Variants in SNTG1 observed in about 807,000 individuals in gnomAD.
SNTG1 encodes gamma-1-syntrophin.
In SNTG1, 39 loss-of-function variants were observed where a neutral mutation model predicts 74.7. That is an observed-to-expected ratio of 0.52 (90% CI 0.40 to 0.68). The LOEUF is 0.68. Ranked by LOEUF, SNTG1 falls within the 30% of genes least tolerant of loss-of-function variation. The probability of loss-of-function intolerance (pLI) is 0.00; values close to 1 mark genes in which losing one functional copy is unlikely to be tolerated. For missense variants in SNTG1, 685 were observed against 609.5 expected (o/e 1.12, Z -1.30); for synonymous variants, 254 against 217.1 (o/e 1.17, Z -1.49).
At chr8:50,177,358 G>A (rs2083037134) in intron 2 of SNTG1, among the ~76,000 whole-genome samples, 1 of 152,230 alleles carries the variant, frequency 6.6e-6, no homozygotes, top group Admixed American at 6.5e-5. Flanking sequence ...ATTACTCCTA[G>A]TGATGGCTCT....
At chr8:50,634,340 T>C (rs1158996933) in intron 13 of SNTG1, among the ~76,000 whole-genome samples, 1 of 152,218 alleles carries the variant, frequency 6.6e-6, no homozygotes, top group Non-Finnish European at 1.5e-5. Flanking sequence ...CTGGTCAAAT[T>C]GTCTGGGTCA....
chr8:50,378,191 T>A (rs1018134339), intron 2 of SNTG1, among the ~76,000 whole-genome samples: 2 of 152,188 alleles, frequency 1.3e-5, no homozygotes, highest in Non-Finnish European at 2.9e-5. Flanking sequence ...GGAGGGTGGC[T>A]CCAGGTGCTG....
intron 18 of SNTG1, among the ~76,000 whole-genome samples, chr8:50,792,054 C>T (rs2095692276): frequency 6.7e-6 from 1 of 150,318 alleles, no homozygotes; most frequent in Admixed American, 6.7e-5. Flanking sequence ...TCTAAAAATC[C>T]AAAATGAATT....
rs189470732 is a variant in SNTG1, at chr8:50,643,690, G to T, written c.850-13219G>T. Among the ~76,000 whole-genome samples, 79 of 152,272 alleles carry T rather than the reference G, an allele frequency of 5.2e-4. 2 individuals carry two copies. In the East Asian group the frequency reaches 0.011, roughly 22 times the overall value. ...TACAGAAATATTAACACAGGAAAAG[G>T]CTTGCAGAAACCGGACAAAAATAAA... is the stretch of plus-strand genomic sequence containing the variant. On this transcript the variant is annotated intron_variant, in intron 13 of 18. Coordinates refer to ENST00000642720, the MANE Select transcript of SNTG1 (RefSeq NM_018967.5).
intron 10 of SNTG1, among the ~76,000 whole-genome samples, chr8:50,535,262 T>G (rs1037079681): frequency 8.5e-5 from 13 of 152,116 alleles, no homozygotes; most frequent in Non-Finnish European, 1.6e-4. Flanking sequence ...GACTACTCAG[T>G]TGGGAAACTG....
intron 8 of SNTG1, among the ~76,000 whole-genome samples, chr8:50,489,689 G>C (rs2093832869): frequency 6.6e-6 from 1 of 152,082 alleles, no homozygotes; most frequent in Admixed American, 6.6e-5. Flanking sequence ...TTGCCATATG[G>C]ATAGATTGCA....
chr8:50,014,993 G>C (rs1816175893), intron 1 of SNTG1, among the ~76,000 whole-genome samples: 1 of 148,232 alleles, frequency 6.7e-6, no homozygotes, highest in African/African-American at 2.5e-5. Flanking sequence ...CAAAGAAGTA[G>C]AAAAGTATAC....
At chr8:50,263,736 T>C (rs943073177) in intron 2 of SNTG1, among the ~76,000 whole-genome samples, 1 of 152,160 alleles carries the variant, frequency 6.6e-6, no homozygotes, top group African/African-American at 2.4e-5. Flanking sequence ...AATGAAGAAC[T>C]AGACAATTTC....
intron 1 of SNTG1, among the ~76,000 whole-genome samples, chr8:50,068,658 G>T (rs1410225841): frequency 6.6e-6 from 1 of 152,116 alleles, no homozygotes; most frequent in Non-Finnish European, 1.5e-5. Flanking sequence ...CTACACAAAT[G>T]GATGCCCAAT....
chr8:50,033,689 G>C (rs1260911124), intron 1 of SNTG1, among the ~76,000 whole-genome samples: 2 of 151,916 alleles, frequency 1.3e-5, no homozygotes, highest in African/African-American at 4.8e-5. Flanking sequence ...TGGTATCTCT[G>C]TGTGTCCTAG....
chr8:50,767,447 C>T (rs2095616584), intron 18 of SNTG1, among the ~76,000 whole-genome samples: 1 of 152,042 alleles, frequency 6.6e-6, no homozygotes, highest in African/African-American at 2.4e-5. Flanking sequence ...ACCTTTTATA[C>T]TTTCTTCCTC....
intron 1 of SNTG1, among the ~76,000 whole-genome samples, chr8:50,063,002 C>G (rs569925910): frequency 3.9e-5 from 6 of 152,240 alleles, no homozygotes; most frequent in Non-Finnish European, 8.8e-5. Flanking sequence ...TCCTATCAAA[C>G]TAGTTAAATT....
intron 2 of SNTG1, among the ~76,000 whole-genome samples, chr8:50,232,725 T>C (rs1385661889): frequency 1.3e-5 from 2 of 151,596 alleles, no homozygotes; most frequent in African/African-American, 2.4e-5. Flanking sequence ...AATAAGTAAG[T>C]TCAGCAAAAA....
At chr8:50,329,155 C>G (rs537797358) in intron 2 of SNTG1, among the ~76,000 whole-genome samples, 1 of 152,176 alleles carries the variant, frequency 6.6e-6, no homozygotes, top group African/African-American at 2.4e-5. Context: ...CTGCAGGGTT[C>G]AACCTCCCCG....
At chr8:50,174,103 T>A (rs1473703348) in intron 2 of SNTG1, among the ~76,000 whole-genome samples, 1 of 152,210 alleles carries the variant, frequency 6.6e-6, no homozygotes, top group African/African-American at 2.4e-5. Context: ...TTTTCTGTTC[T>A]TGTGTTAGAG....
intron 1 of SNTG1, among the ~76,000 whole-genome samples, chr8:49,928,235 TC>T (rs111846426): frequency 0.34 from 25,820 of 75,394 alleles, 4,270 homozygotes; most frequent in African/African-American, 0.53. Context: ...TTTTTTTGTT[TC>T]TTTTTTTTTG....
chr8:49,942,139 T>C (rs551636530), intron 1 of SNTG1, among the ~76,000 whole-genome samples: 48 of 152,180 alleles, frequency 3.2e-4, no homozygotes, highest in Non-Finnish European at 5.9e-4. Flanking sequence ...AAGGTAATAT[T>C]GTAAACCTTG....
chr8:50,527,530 A>G (rs2094231264), intron 9 of SNTG1, among the ~76,000 whole-genome samples: 1 of 152,098 alleles, frequency 6.6e-6, no homozygotes, highest in African/African-American at 2.4e-5. Flanking sequence ...ATGTATATAT[A>G]TGATTATTAT....
At chr8:50,053,123 T>C (rs1206110320) in intron 1 of SNTG1, among the ~76,000 whole-genome samples, 1 of 152,136 alleles carries the variant, frequency 6.6e-6, no homozygotes, top group African/African-American at 2.4e-5. Context: ...GAAATGCTTT[T>C]ACAAAAAGGG....
Sources: gnomAD v4.1 joint callset for allele counts (sites outside exome capture counted in the v4.1 genomes callset) on GRCh38, gnomAD v4.1.1 for gene constraint, MANE v1.5 for transcripts, NCBI Gene and HGNC (gene_info 2026-07-23, HGNC 2026-07-21) for gene names.